Variants in GPC6 observed in about 807,000 individuals in gnomAD.
The protein encoded by GPC6 is glypican-6.
A neutral mutation model predicts 55.2 loss-of-function variants in GPC6; 14 were observed. That is an observed-to-expected ratio of 0.25 (90% CI 0.17 to 0.40). The LOEUF (loss-of-function observed/expected upper bound fraction) is 0.40, where lower values mean the gene tolerates loss of function less well. Among genes scored for constraint, GPC6 ranks in the 10% least tolerant of loss-of-function variants. The pLI is 1.00. For synonymous variants in GPC6, 278 were observed against 259.6 expected (o/e 1.07, Z -0.68); for missense variants, 641 against 708.5 (o/e 0.90, Z 1.08).
chr13:94,152,147 G>A (rs1887764735), intron 4 of GPC6, among the ~76,000 whole-genome samples: 2 of 152,130 alleles, frequency 1.3e-5, no homozygotes, highest in African/African-American at 2.4e-5. Flanking sequence ...TGTGGCAGAG[G>A]TAATGAGTTT....
intron 2 of GPC6, among the ~76,000 whole-genome samples, chr13:93,605,842 TAA>T (rs1193693750): frequency 2.0e-3 from 133 of 65,892 alleles, no homozygotes; most frequent in African/African-American, 6.2e-3. Context: ...ACCGTCTCAA[TAA>T]AAAAAAAAAA....
chr13:93,354,818 C>T (rs1402058026), intron 1 of GPC6, among the ~76,000 whole-genome samples: 1 of 152,134 alleles, frequency 6.6e-6, no homozygotes, highest in African/African-American at 2.4e-5. Flanking sequence ...AGAATCCACC[C>T]ACTTCAAGTG....
chr13:94,048,026 G>A (rs1390400116), intron 4 of GPC6, among the ~76,000 whole-genome samples: 1 of 147,042 alleles, frequency 6.8e-6, no homozygotes, highest in Non-Finnish European at 1.5e-5. Flanking sequence ...GGAAAAGTTG[G>A]CAATTAAAAA....
intron 1 of GPC6, among the ~76,000 whole-genome samples, chr13:93,284,571 G>A (rs1484740737): frequency 6.6e-6 from 1 of 152,146 alleles, no homozygotes. Context: ...ATATTTGTCA[G>A]ATTTTTGTGA....
intron 1 of GPC6, among the ~76,000 whole-genome samples, chr13:93,487,186 G>A (rs188856768): frequency 9.9e-5 from 15 of 152,204 alleles, no homozygotes; most frequent in African/African-American, 3.6e-4. Flanking sequence ...AGTATTGAAG[G>A]AGATCATTAT....
intron 1 of GPC6, among the ~76,000 whole-genome samples, chr13:93,336,275 A>G (rs1397833688): frequency 6.6e-6 from 1 of 152,220 alleles, no homozygotes; most frequent in Non-Finnish European, 1.5e-5. Flanking sequence ...TGTTTGACAT[A>G]CCATATTATT....
At chr13:93,878,514 G>A (rs898896839) in intron 3 of GPC6, among the ~76,000 whole-genome samples, 2 of 152,066 alleles carry the variant, frequency 1.3e-5, no homozygotes, top group African/African-American at 4.8e-5. Flanking sequence ...GAGTAACTGG[G>A]ATTACAGCCA....
At chr13:93,706,049 G>T (rs1882839862) in intron 2 of GPC6, among the ~76,000 whole-genome samples, 2 of 151,830 alleles carry the variant, frequency 1.3e-5, no homozygotes, top group Non-Finnish European at 2.9e-5. Flanking sequence ...ATCTGGTGCT[G>T]TTAAGTAGCT....
chr13:94,372,432 G>A (rs1245673489), intron 6 of GPC6, among the ~76,000 whole-genome samples: 7 of 151,654 alleles, frequency 4.6e-5, no homozygotes, highest in African/African-American at 9.7e-5. Flanking sequence ...TTCCCTTTCC[G>A]AGTCAAAGAA....
upstream of GPC6, among the ~76,000 whole-genome samples, chr13:93,223,084 C>T (rs1875664881): frequency 7.5e-6 from 1 of 133,878 alleles, no homozygotes; most frequent in South Asian, 2.5e-4. Flanking sequence ...GGGTCTTACA[C>T]CCACCCCTAC....
intron 1 of GPC6, among the ~76,000 whole-genome samples, chr13:93,240,655 T>TA (rs1876396923): frequency 6.6e-6 from 1 of 152,180 alleles, no homozygotes; most frequent in African/African-American, 2.4e-5. Flanking sequence ...AATAGTAATA[T>TA]ATTAAATACT....
intron 2 of GPC6, among the ~76,000 whole-genome samples, chr13:93,749,558 A>G (rs1884507760): frequency 6.6e-6 from 1 of 152,132 alleles, no homozygotes; most frequent in African/African-American, 2.4e-5. Flanking sequence ...AACAGATTAC[A>G]TTAAATAATT....
At chr13:93,534,789 G>T (rs1219158816) in intron 1 of GPC6, among the ~76,000 whole-genome samples, 4 of 152,138 alleles carry the variant, frequency 2.6e-5, no homozygotes, top group African/African-American at 9.7e-5. Context: ...ATATGTCCTT[G>T]AGCTCATTCT....
At chr13:94,119,938 A>G (rs901829239) in intron 4 of GPC6, among the ~76,000 whole-genome samples, 1 of 152,052 alleles carries the variant, frequency 6.6e-6, no homozygotes, top group Non-Finnish European at 1.5e-5. Flanking sequence ...CAACGCTCAT[A>G]TAGTATTTCT....
intron 2 of GPC6, among the ~76,000 whole-genome samples, chr13:93,745,643 A>T (rs1884372800): frequency 6.6e-6 from 1 of 152,198 alleles, no homozygotes; most frequent in African/African-American, 2.4e-5. Context: ...CTCTTTTGAG[A>T]TGATAAGCAG....
intron 3 of GPC6, among the ~76,000 whole-genome samples, chr13:93,874,651 G>A (rs991361729): frequency 2.5e-4 from 38 of 150,086 alleles, no homozygotes; most frequent in African/African-American, 8.8e-4. Flanking sequence ...AGTCATGACC[G>A]TGTCTGTCCA....
At chr13:94,015,466 G>T (rs1368809732) in intron 3 of GPC6, among the ~76,000 whole-genome samples, 1 of 151,898 alleles carries the variant, frequency 6.6e-6, no homozygotes, top group Admixed American at 6.6e-5. Context: ...CCCATCTATT[G>T]GTTATCATGT....
At chr13:93,724,154 A>G (rs957351916) in intron 2 of GPC6, among the ~76,000 whole-genome samples, 3 of 151,932 alleles carry the variant, frequency 2.0e-5, no homozygotes, top group African/African-American at 7.2e-5. Flanking sequence ...GGTACTGGCC[A>G]TGCTAGCTTC....
chr13:93,241,728 A>T (rs1433425228), intron 1 of GPC6, among the ~76,000 whole-genome samples: 2 of 150,552 alleles, frequency 1.3e-5, no homozygotes, highest in African/African-American at 4.9e-5. Context: ...GCATTGCAAA[A>T]CTCTGCTTTT....
Sources: gnomAD v4.1 joint callset for allele counts (sites outside exome capture counted in the v4.1 genomes callset) on GRCh38, gnomAD v4.1.1 for gene constraint, MANE v1.5 for transcripts, NCBI Gene and HGNC (gene_info 2026-07-23, HGNC 2026-07-21) for gene names.